The following ARHGAP32 variants were observed in gnomAD, a reference collection of about 807,000 sequenced individuals.
ARHGAP32 encodes the protein Rho GTPase activating protein 32, also known as rho GTPase-activating protein 32.
A neutral mutation model predicts 186.5 loss-of-function variants in ARHGAP32; 51 were observed. The observed-to-expected ratio is 0.27, with a 90% CI of 0.22 to 0.35. The LOEUF (loss-of-function observed/expected upper bound fraction) is 0.35. ARHGAP32 is among the 10% of genes least tolerant of loss of function. ARHGAP32 has a pLI of 1.00. For missense variants in ARHGAP32, 2,186 were observed against 2,623.5 expected (o/e 0.83, Z 3.64); for synonymous variants, 950 against 964.3 (o/e 0.99, Z 0.27).
intron 2 of ARHGAP32, among the ~76,000 whole-genome samples, chr11:129,140,387 A>G (rs1212211053): frequency 6.6e-6 from 1 of 152,218 alleles, no homozygotes; most frequent in Non-Finnish European, 1.5e-5. Flanking sequence ...AACATGCAGA[A>G]CTGTGAGATA....
At chr11:129,192,810 G>C (rs1944295270), upstream of ARHGAP32, among the ~76,000 whole-genome samples, 1 of 152,144 alleles carries the variant, frequency 6.6e-6, no homozygotes, top group South Asian at 2.1e-4. Flanking sequence ...TCCAGAGTGA[G>C]ACATAAAAGC....
intron 1 of ARHGAP32, among the ~76,000 whole-genome samples, chr11:129,278,695 C>T (rs1945566691): frequency 6.6e-6 from 1 of 151,928 alleles, no homozygotes; most frequent in African/African-American, 2.4e-5. Context: ...TCTGGCCCCG[C>T]GGGGCCCACG....
chr11:129,101,924 A>C (rs1941911626), intron 5 of ARHGAP32, among the ~76,000 whole-genome samples: 1 of 152,224 alleles, frequency 6.6e-6, no homozygotes, highest in Non-Finnish European at 1.5e-5. Context: ...CAAGGTCGAA[A>C]TGAAAGAAAA....
chr11:128,993,467 C>T (rs998288007), intron 12 of ARHGAP32: 28 of 151,464 alleles, frequency 1.8e-4, no homozygotes, highest in Non-Finnish European at 3.5e-4. Flanking sequence ...TGATATATAT[C>T]AATATTATAT....
intron 2 of ARHGAP32, among the ~76,000 whole-genome samples, chr11:129,150,661 A>T (rs964187974): frequency 2.6e-5 from 4 of 152,176 alleles, no homozygotes; most frequent in African/African-American, 9.7e-5. Context: ...TCAGACAAAA[A>T]AATCCTGAAG....
rs187995006 is a variant in ARHGAP32, at chr11:128,994,233, C to A, written c.1195+4086G>T. On this transcript the variant is annotated intron_variant, in intron 12 of 22. Coordinates refer to ENST00000682385, the MANE Select transcript of ARHGAP32 (RefSeq NM_001378024.1). ...GCAATAGCATGATCTTGGCTCACTG[C>A]AACCTCCAGCTCCCAGGTTCAAGCA... Among the ~76,000 whole-genome samples, 129 of 152,004 alleles carry A rather than the reference C, an allele frequency of 8.5e-4. 1 individual carries two copies. The highest frequency in any genetic ancestry group is 3.0e-3 in the African/African-American group (124 of 41,446).
At chr11:129,262,030 G>A (rs1945327676) in intron 1 of ARHGAP32, among the ~76,000 whole-genome samples, 1 of 152,136 alleles carries the variant, frequency 6.6e-6, no homozygotes, top group Admixed American at 6.5e-5. Context: ...AATAATGTCT[G>A]CCTTTTAAAA....
chr11:129,271,000 G>A (rs1209881240), intron 1 of ARHGAP32, among the ~76,000 whole-genome samples: 1 of 152,104 alleles, frequency 6.6e-6, no homozygotes, highest in Non-Finnish European at 1.5e-5. Context: ...TCACCTGAGG[G>A]GAAAATCTTC....
At chr11:129,103,140 C>T (rs1038725266) in intron 5 of ARHGAP32, among the ~76,000 whole-genome samples, 2 of 152,126 alleles carry the variant, frequency 1.3e-5, no homozygotes, top group African/African-American at 4.8e-5. Flanking sequence ...ATATACCAAA[C>T]ACAAAAAGAC....
chr11:129,244,878 G>A (rs1358990328), intron 1 of ARHGAP32, among the ~76,000 whole-genome samples: 4 of 150,970 alleles, frequency 2.6e-5, no homozygotes, highest in Admixed American at 6.6e-5. Context: ...TCAGAGAAAT[G>A]CAAATCAAAA....
chr11:129,145,894 G>A (rs546174037), intron 2 of ARHGAP32, among the ~76,000 whole-genome samples: 9 of 152,174 alleles, frequency 5.9e-5, no homozygotes, highest in Admixed American at 1.3e-4. Flanking sequence ...CAGAGAAGAC[G>A]TACCACGGGA....
At chr11:129,050,754 ATC>A (rs1940009413) in intron 10 of ARHGAP32, among the ~76,000 whole-genome samples, 1 of 152,160 alleles carries the variant, frequency 6.6e-6, no homozygotes, top group Admixed American at 6.5e-5. Flanking sequence ...TCAACTTGTC[ATC>A]TACATTAGGT....
intron 11 of ARHGAP32, among the ~76,000 whole-genome samples, chr11:129,008,147 A>G (rs1273565022): frequency 2.6e-5 from 4 of 152,244 alleles, no homozygotes; most frequent in Non-Finnish European, 5.9e-5. Context: ...TACCCTCTCT[A>G]GTGCTTCTTT....
At chr11:129,073,887 A>G (rs1436523283) in intron 6 of ARHGAP32, among the ~76,000 whole-genome samples, 3 of 152,196 alleles carry the variant, frequency 2.0e-5, no homozygotes, top group Non-Finnish European at 2.9e-5. Context: ...TCGGAATTAT[A>G]TAACATATTC....
intron 1 of ARHGAP32, among the ~76,000 whole-genome samples, chr11:129,173,990 C>T (rs1475505670): frequency 1.3e-5 from 2 of 152,226 alleles, no homozygotes; most frequent in African/African-American, 2.4e-5. Flanking sequence ...GCGTGAGCGA[C>T]GCAGAAGACG....
chr11:129,218,988 CGG>C (rs1944680443), intron 1 of ARHGAP32, among the ~76,000 whole-genome samples: 1 of 152,134 alleles, frequency 6.6e-6, no homozygotes, highest in African/African-American at 2.4e-5. Context: ...ATGAGAGCCA[CGG>C]CCAACCCTTC....
chr11:129,198,326 A>T (rs143042693), intron 1 of ARHGAP32, among the ~76,000 whole-genome samples: 21 of 152,336 alleles, frequency 1.4e-4, no homozygotes, highest in African/African-American at 5.1e-4. Flanking sequence ...TCAAATATCA[A>T]CTATGTCATT....
At chr11:129,055,642 C>CTT (rs1004733053) in intron 10 of ARHGAP32, among the ~76,000 whole-genome samples, 4 of 152,108 alleles carry the variant, frequency 2.6e-5, no homozygotes, top group Non-Finnish European at 4.4e-5. Flanking sequence ...ACAGAGGAAC[C>CTT]TTAAATGCAT....
At chr11:129,261,537 A>C (rs1171537351) in intron 1 of ARHGAP32, among the ~76,000 whole-genome samples, 1 of 152,198 alleles carries the variant, frequency 6.6e-6, no homozygotes, top group African/African-American at 2.4e-5. Flanking sequence ...ACATTAATTC[A>C]GTTGTCTATG....
Sources: allele counts gnomAD v4.1 joint callset (sites outside exome capture counted in the v4.1 genomes callset), GRCh38; gene constraint gnomAD v4.1.1; transcripts MANE v1.5; gene names NCBI Gene and HGNC (gene_info 2026-07-23, HGNC 2026-07-21).